Variants in CCDC191 observed in about 807,000 individuals in gnomAD.
CCDC191 encodes the protein coiled-coil domain-containing protein 191.
In CCDC191, 99 loss-of-function variants were observed where a neutral mutation model predicts 114.0. The observed-to-expected ratio is 0.87, with a 90% CI of 0.74 to 1.03. The LOEUF (loss-of-function observed/expected upper bound fraction) is 1.03. Ranked by LOEUF, CCDC191 falls within the 50% of genes least tolerant of loss-of-function variation. The probability of loss-of-function intolerance (pLI) is 0.00; values close to 1 mark genes in which losing one functional copy is unlikely to be tolerated. For missense variants in CCDC191, 973 were observed against 1,087.0 expected, an observed-to-expected ratio of 0.90 and a Z score of 1.47; for synonymous variants, 351 against 376.0, an observed-to-expected ratio of 0.93 and a Z score of 0.77.
Position 113,964,413 on chromosome 3 carries a change from T to C in CCDC191, c.*742A>G, listed in dbSNP as rs1939905614. ...TTTGAATTCAAGATAGGTATCTCAA[T>C]ATCTAGATCAAACTGAGCTGAGTAC... On this transcript the variant is annotated 3_prime_UTR_variant, in exon 17 of 17. Coordinates refer to ENST00000295878, the MANE Select transcript of CCDC191 (RefSeq NM_020817.2). 2.0e-5 allele frequency: 3 copies of C among 152,236 alleles called. No homozygotes were observed. Among genetic ancestry groups the C allele is most frequent in the Non-Finnish European group, 4.4e-5 (3 of 68,044 alleles). The allele number at this position is 152,236 out of a possible 1,614,324, so 9.4% of individuals were successfully genotyped here.
intron 4 of CCDC191, among the ~76,000 whole-genome samples, chr3:114,040,472 C>G (rs2076545901): frequency 6.6e-6 from 1 of 151,842 alleles, no homozygotes; most frequent in Non-Finnish European, 1.5e-5. Context: ...TGGATTGACT[C>G]TTTTATCGTT....
At position 114,034,959 on chromosome 3, in the gene CCDC191, C is replaced by T; in HGVS notation, c.784G>A (p.Glu262Lys). ...EMVKLRREII[E>K]RRRTVKAAWK... ...GCTGCTTTCACAGTGCGTCTCCTCT[C>T]AATTATCTCCCTCCGCAGCTTCACC... Residue 262 changes from glutamate (E) to lysine (K), a missense_variant, in exon 6 of 17, where the codon GAG (glutamate) becomes AAG (lysine). Physicochemically the swap from Glu to Lys is moderately conservative, Grantham distance 56. Coordinates refer to ENST00000295878, the MANE Select transcript of CCDC191 (RefSeq NM_020817.2). The T allele has an allele frequency of 6.2e-7, 1 of 1,614,076 alleles. No individual in the cohort carries two copies. Among genetic ancestry groups the T allele is most frequent in the African/African-American group, 1.3e-5 (1 of 75,036 alleles).
intron 14 of CCDC191, among the ~76,000 whole-genome samples, 164 bp from the exon 15 acceptor site, chr3:113,979,174 A>G (rs540371551): frequency 6.6e-5 from 10 of 152,340 alleles, no homozygotes; most frequent in South Asian, 2.1e-4. Context: ...CTGTTGACCT[A>G]TTCTATGGAG....
At chr3:113,976,275 C>A (rs1339165307) in intron 16 of CCDC191, among the ~76,000 whole-genome samples, 6 of 149,706 alleles carry the variant, frequency 4.0e-5, no homozygotes, top group South Asian at 2.1e-4. Context: ...AAAAAAAAAA[C>A]AAAACAAAAC....
At chr3:114,007,701 A>C (rs1228899807) in intron 9 of CCDC191, among the ~76,000 whole-genome samples, 1 of 152,162 alleles carries the variant, frequency 6.6e-6, no homozygotes, top group African/African-American at 2.4e-5. Flanking sequence ...ATAGAGCAGG[A>C]GTGAATGGTC....
intron 13 of CCDC191, among the ~76,000 whole-genome samples, chr3:113,990,138 CAAAGA>C (rs945843750): frequency 3.3e-5 from 5 of 151,924 alleles, no homozygotes; most frequent in African/African-American, 9.7e-5. Context: ...AGGAAAACAA[CAAAGA>C]AAACCAGTGA....
rs761183134 is a variant in CCDC191, at chr3:113,966,898, A to C, written c.2607-1539T>G. 4.7e-4 allele frequency among the ~76,000 whole-genome samples: 71 copies of C among 152,226 alleles called. 1 individual carries two copies. The highest frequency in any genetic ancestry group is 3.4e-3 in the Middle Eastern group (1 of 294). ...TGACTCATTTGAGGTCAGGAGTTCA[A>C]GACTAGCCTGGCCAACATGGTGAAA... is the stretch of plus-strand genomic sequence containing the variant. On this transcript the variant is annotated intron_variant, in intron 16 of 16. Transcript: ENST00000295878.
intron 8 of CCDC191, among the ~76,000 whole-genome samples, chr3:114,016,431 ACTGTCT>A (rs1467427000): frequency 6.6e-6 from 1 of 152,144 alleles, no homozygotes; most frequent in Non-Finnish European, 1.5e-5. Flanking sequence ...TGAGTCATTT[ACTGTCT>A]CTGGGCCTTA....
At chr3:114,041,605 C>T (rs769390372) in intron 4 of CCDC191, among the ~76,000 whole-genome samples, 5 of 152,026 alleles carry the variant, frequency 3.3e-5, no homozygotes, top group East Asian at 3.8e-4. Context: ...TCTGGGTTGG[C>T]GAGGAGGGTA....
At chr3:114,048,905 T>G (rs1300394458) in intron 2 of CCDC191, among the ~76,000 whole-genome samples, 1 of 152,246 alleles carries the variant, frequency 6.6e-6, no homozygotes, top group East Asian at 1.9e-4. Context: ...ACATGAAAAC[T>G]TTATTCAGAA....
chr3:113,999,191 T>C (rs766489592), intron 13 of CCDC191, among the ~76,000 whole-genome samples: 14 of 152,148 alleles, frequency 9.2e-5, no homozygotes, highest in Admixed American at 4.6e-4. Context: ...CCCCTAGTAA[T>C]ACCACTAGCA....
chr3:113,986,777 G>GTGCT (rs1172668772), intron 13 of CCDC191, among the ~76,000 whole-genome samples: 2 of 152,120 alleles, frequency 1.3e-5, no homozygotes, highest in Non-Finnish European at 2.9e-5. Flanking sequence ...ATACCGTGGT[G>GTGCT]TGCTTGCTTG....
Position 114,036,655 on chromosome 3 carries a change from T to G in CCDC191, c.547A>C (p.Lys183Gln), listed in dbSNP as rs138419795. The change falls in exon 5 of 17, where the codon AAG becomes CAG. Residue 183 changes from lysine (K) to glutamine (Q), a missense_variant. Transcript: ENST00000295878. ...DLGRKENQDK[K>Q]QQKDPRLTME... ...GTAAGACGAGGATCCTTCTGCTGCT[T>G]CTTGTCTTGGTTTTCCTTCCTTCCA... 1.3e-5 allele frequency: 21 copies of G among 1,606,714 alleles called. No homozygotes were observed. The highest frequency in any genetic ancestry group is 1.6e-5 in the Non-Finnish European group (19 of 1,175,810).
intron 16 of CCDC191, among the ~76,000 whole-genome samples, chr3:113,968,465 T>A (rs1164357109): frequency 6.6e-6 from 1 of 152,086 alleles, no homozygotes; most frequent in East Asian, 1.9e-4. Context: ...CCCCCCCTTT[T>A]TTTTTTAGGG....
At chr3:113,982,777 C>T (rs563591738) in intron 13 of CCDC191, among the ~76,000 whole-genome samples, 53 of 151,036 alleles carry the variant, frequency 3.5e-4, no homozygotes, top group South Asian at 1.7e-3. Context: ...TTCTGCATCA[C>T]GAATTTCTCC....
chr3:114,010,761 A>G lies in CCDC191; in HGVS notation c.1413+11T>C. 1 of 1,590,368 alleles carries G rather than the reference A, an allele frequency of 6.3e-7. No individual in the cohort carries two copies. The highest frequency in any genetic ancestry group is 8.6e-7 in the Non-Finnish European group (1 of 1,166,412). ...AATGCAAGTGTTTACTAAGCAGGAA[A>G]AACAACGTACCTGTCCATTTTTTAC... is the stretch of plus-strand genomic sequence containing the variant. On this transcript the variant is annotated intron_variant, in intron 9 of 16. Transcript: ENST00000295878.
At chr3:114,034,836 G>C in intron 6 of CCDC191, 89 bp downstream of exon 6, 1 of 1,010,416 alleles carries the variant, frequency 9.9e-7, no homozygotes, top group Non-Finnish European at 1.5e-6. Flanking sequence ...TTTTGTTATT[G>C]AATGTTTGTG....
At chr3:114,053,985 A>G (rs540162303) in intron 1 of CCDC191, 44 of 169,172 alleles carry the variant, frequency 2.6e-4, no homozygotes, top group African/African-American at 1.0e-3. Context: ...ACTCATTAAA[A>G]AAAAAAAGCA....
At chr3:114,025,910 T>C (rs2076314135) in intron 7 of CCDC191, among the ~76,000 whole-genome samples, 2 of 152,190 alleles carry the variant, frequency 1.3e-5, no homozygotes, top group Admixed American at 1.3e-4. Flanking sequence ...TCCAGGATAC[T>C]GTGATAGTAA....
Sources: gnomAD v4.1 joint callset for allele counts (sites outside exome capture counted in the v4.1 genomes callset) on GRCh38, gnomAD v4.1.1 for gene constraint, MANE v1.5 for transcripts, NCBI Gene and HGNC (gene_info 2026-07-23, HGNC 2026-07-21) for gene names.